HUNK: variants seen among roughly 807,000 people sequenced by gnomAD.
HUNK encodes hormonally up-regulated Neu-associated kinase.
In HUNK, 21 loss-of-function variants were observed where a neutral mutation model predicts 61.0. That is an observed-to-expected ratio of 0.34 (90% CI 0.24 to 0.50). The LOEUF (loss-of-function observed/expected upper bound fraction) is 0.50, where lower values mean the gene tolerates loss of function less well. HUNK is among the 20% of genes least tolerant of loss of function. The probability of loss-of-function intolerance (pLI) is 0.98; values close to 1 mark genes in which losing one functional copy is unlikely to be tolerated. For synonymous variants in HUNK, 371 were observed against 386.1 expected, an observed-to-expected ratio of 0.96 and a Z score of 0.46; for missense variants, 772 against 945.7, an observed-to-expected ratio of 0.82 and a Z score of 2.41.
intron 1 of HUNK, among the ~76,000 whole-genome samples, chr21:31,909,306 C>T (rs2052529799): frequency 1.3e-5 from 2 of 152,198 alleles, no homozygotes; most frequent in South Asian, 4.1e-4. Flanking sequence ...TAGTCTCTCA[C>T]CAGCAGGATA....
At chr21:31,972,919 G>A (rs1036129012) in intron 6 of HUNK, among the ~76,000 whole-genome samples, 19 of 152,138 alleles carry the variant, frequency 1.2e-4, no homozygotes, top group Non-Finnish European at 2.5e-4. Context: ...TGCTCTCGGT[G>A]CCCCTGCCAA....
chr21:31,986,204 G>T (rs983075824), intron 8 of HUNK, among the ~76,000 whole-genome samples: 6 of 141,794 alleles, frequency 4.2e-5, no homozygotes, highest in African/African-American at 1.5e-4. Flanking sequence ...CTCTCCCCCC[G>T]CCGCCCTCCG....
chr21:31,881,717 G>C (rs1052134250), intron 1 of HUNK, among the ~76,000 whole-genome samples: 5 of 152,136 alleles, frequency 3.3e-5, no homozygotes, highest in African/African-American at 1.2e-4. Context: ...TTAGCATTTA[G>C]TCCTTCTATC....
chr21:31,993,682 A>G (rs1227948082), intron 9 of HUNK, among the ~76,000 whole-genome samples: 1 of 152,022 alleles, frequency 6.6e-6, no homozygotes, highest in Non-Finnish European at 1.5e-5. Context: ...GTGTGTGCAA[A>G]AGCTTGTTCT....
chr21:31,944,115 T>C (rs1253889213), intron 3 of HUNK, among the ~76,000 whole-genome samples: 1 of 152,260 alleles, frequency 6.6e-6, no homozygotes, highest in African/African-American at 2.4e-5. Context: ...AGTCTCGTTC[T>C]GTCTCCCAGG....
rs372384937 is a variant in HUNK at position 31,995,836 on chromosome 21, C to A, written c.1374C>A (p.Asp458Glu). The A allele has an allele frequency of 6.2e-7, 1 of 1,614,062 alleles. No individual in the cohort carries two copies. The highest frequency in any genetic ancestry group is 1.1e-5 in the South Asian group (1 of 91,088). The change falls in exon 10 of 11, where the codon GAC becomes GAA. Residue 458 changes from aspartate (D) to glutamate (E), a missense_variant. This residue lies in a region of HUNK where 413 missense variants were observed against 444.4 expected (regional missense o/e 0.93). Transcript: ENST00000270112. ...FLHRPFSKKL[D>E]KNLPSHKQPS... Reference sequence around the variant, plus strand: ...ATCGACCATTCTCCAAGAAGTTGGACAAGAACCTGCCCTCGCACAAACAGC... The same window carrying A: ...ATCGACCATTCTCCAAGAAGTTGGAAAAGAACCTGCCCTCGCACAAACAGC...
chr21:31,974,511 G>A (rs201678062), intron 6 of HUNK, 44 bp from the exon 7 acceptor site: 9 of 1,564,678 alleles, frequency 5.8e-6, no homozygotes, highest in African/African-American at 2.7e-5. Context: ...GGGGCTCTCC[G>A]TGAAGTGCAG....
At chr21:31,968,759 A>T (rs984872868) in intron 6 of HUNK, among the ~76,000 whole-genome samples, 39 of 141,740 alleles carry the variant, frequency 2.8e-4, no homozygotes, top group African/African-American at 1.0e-3. Context: ...TGTGTGAGAG[A>T]GAGAGAGTGA....
At chr21:31,931,292 G>A (rs1018829586) in intron 2 of HUNK, among the ~76,000 whole-genome samples, 3 of 151,938 alleles carry the variant, frequency 2.0e-5, no homozygotes, top group Non-Finnish European at 2.9e-5. Flanking sequence ...GGGCTGGGGG[G>A]CATGCCCCCC....
At chr21:31,889,115 A>G (rs1286891769) in intron 1 of HUNK, among the ~76,000 whole-genome samples, 1 of 152,194 alleles carries the variant, frequency 6.6e-6, no homozygotes, top group Non-Finnish European at 1.5e-5. Flanking sequence ...AGTCCCTTCC[A>G]GTCTCCTCGT....
chr21:31,978,919 G>A (rs2053070845), intron 7 of HUNK, among the ~76,000 whole-genome samples: 2 of 152,038 alleles, frequency 1.3e-5, no homozygotes, highest in Non-Finnish European at 2.9e-5. Flanking sequence ...TTTCCATAAT[G>A]GTTGTACTAA....
Position 31,897,023 on chromosome 21 carries a change from T to C in HUNK, c.261+23088T>C, listed in dbSNP as rs546240582. Among the ~76,000 whole-genome samples, 6 of 152,266 alleles carry C rather than the reference T, an allele frequency of 3.9e-5. No homozygotes were observed. The East Asian group carries it at 9.7e-4, about 25-fold the overall frequency. ...ACTTTGGGAGGCCAAGGCAGGTGGA[T>C]TGCTTGAGCTCAGGGGTTTGAGACA... On this transcript the variant is annotated intron_variant, in intron 1 of 10. Transcript: ENST00000270112.
intron 1 of HUNK, among the ~76,000 whole-genome samples, chr21:31,907,711 C>G (rs114587608): frequency 6.6e-6 from 1 of 152,076 alleles, no homozygotes; most frequent in Non-Finnish European, 1.5e-5. Flanking sequence ...GAGGATGGGC[C>G]GGGCGTGCTG....
Position 31,898,390 on chromosome 21 carries a change from C to T in HUNK, c.261+24455C>T, listed in dbSNP as rs190319603. 1.3e-4 allele frequency among the ~76,000 whole-genome samples: 20 copies of T among 152,188 alleles called. No homozygotes were observed. The East Asian group carries it at 3.1e-3, about 23-fold the overall frequency. On this transcript the variant is annotated intron_variant, in intron 1 of 10. Transcript: ENST00000270112. Reference sequence around the variant, plus strand: ...AAGTGATTCTCTTGCCTCAGCCTCCCGAGTAGCTGGGACTATAGGCATCCG... The same window carrying T: ...AAGTGATTCTCTTGCCTCAGCCTCCTGAGTAGCTGGGACTATAGGCATCCG...
Position 31,974,586 on chromosome 21 carries a change from G to T in HUNK, c.1042G>T (p.Val348Leu), listed in dbSNP as rs776501076. 5 of 1,613,888 alleles carry T rather than the reference G, an allele frequency of 3.1e-6. No homozygotes were observed. The South Asian group carries it at 4.4e-5, about 14-fold the overall frequency. ...TCTGGAAGATCTGAGCCCGAGCGTCGTGCTGCACATGACCGAGAAGCTGGG... is the reference window on the plus strand; with the variant it reads ...TCTGGAAGATCTGAGCCCGAGCGTCTTGCTGCACATGACCGAGAAGCTGGG... ...ISLEDLSPSV[V>L]LHMTEKLGYK... Residue 348 changes from valine to leucine, a missense_variant, in exon 7 of 11, where the codon GTG becomes TTG. Val to Leu is a conservative substitution (Grantham distance 32). This residue lies in a region of HUNK where 359 missense variants were observed against 501.3 expected (regional missense o/e 0.72). Coordinates refer to ENST00000270112, the MANE Select transcript of HUNK (RefSeq NM_014586.2).
At chr21:31,916,043 CTT>C (rs34245381) in intron 1 of HUNK, among the ~76,000 whole-genome samples, 17 of 81,758 alleles carry the variant, frequency 2.1e-4, no homozygotes, top group Admixed American at 6.1e-4. Flanking sequence ...TAAGTGCTTT[CTT>C]TTTTTTTTTT....
At chr21:31,948,961 C>G (rs2833570) in intron 4 of HUNK, among the ~76,000 whole-genome samples, 11,698 of 152,262 alleles carry the variant, frequency 0.077, 1,530 homozygotes, top group African/African-American at 0.27. Context: ...AGGTGAAACA[C>G]GTCAGGAATC....
At chr21:31,938,263 C>A (rs1448032790) in intron 2 of HUNK, among the ~76,000 whole-genome samples, 2 of 152,214 alleles carry the variant, frequency 1.3e-5, no homozygotes, top group African/African-American at 4.8e-5. Flanking sequence ...GGTCTTTCCC[C>A]CGCACCACTT....
intron 1 of HUNK, among the ~76,000 whole-genome samples, chr21:31,879,954 T>A (rs112343756): frequency 1.3e-5 from 2 of 152,334 alleles, no homozygotes; most frequent in African/African-American, 4.8e-5. Flanking sequence ...AGCCCTGGTC[T>A]AAGTACTGAC....
Sources: allele counts gnomAD v4.1 joint callset (sites outside exome capture counted in the v4.1 genomes callset), GRCh38; gene constraint gnomAD v4.1.1; regional missense constraint gnomAD v4.1.1; transcripts MANE v1.5; gene names NCBI Gene and HGNC (gene_info 2026-07-23, HGNC 2026-07-21).